Variants in PILRA observed in about 807,000 individuals in gnomAD.
PILRA encodes the protein paired immunoglobulin-like type 2 receptor alpha.
Under a neutral mutation model 33.1 loss-of-function variants are expected in PILRA, and 37 were observed. That is an observed-to-expected ratio of 1.12 (90% CI 0.86 to 1.47). PILRA has a LOEUF of 1.47. Ranked by LOEUF, PILRA falls within the 40% of genes most tolerant of loss-of-function variation. The pLI, the probability that PILRA is intolerant of heterozygous loss-of-function variation, is 0.00. For synonymous variants in PILRA, 146 were observed against 149.9 expected, an observed-to-expected ratio of 0.97 and a Z score of 0.19; for missense variants, 312 against 376.2, an observed-to-expected ratio of 0.83 and a Z score of 1.41.
At chr7:100,371,630 G>A (rs1369928893), upstream of PILRA, among the ~76,000 whole-genome samples, 1 of 152,074 alleles carries the variant, frequency 6.6e-6, no homozygotes, top group Non-Finnish European at 1.5e-5. Context: ...GACTTCCCAC[G>A]CCTCTCCCAT....
intron 2 of PILRA, among the ~76,000 whole-genome samples, chr7:100,375,126 C>T (rs1449714407): frequency 6.6e-6 from 1 of 152,192 alleles, no homozygotes. Flanking sequence ...GCAGCCCCCA[C>T]TTTCCCTGAC....
intron 2 of PILRA, among the ~76,000 whole-genome samples, chr7:100,380,166 T>A (rs921340593): frequency 1.3e-5 from 2 of 152,204 alleles, no homozygotes; most frequent in African/African-American, 4.8e-5. Context: ...GCAAGGCGAC[T>A]GGGGTCTGGT....
chr7:100,399,139 A>C (rs1226259160), intron 4 of PILRA, 152 bp from the exon 5 acceptor site: 1 of 577,594 alleles, frequency 1.7e-6, no homozygotes, highest in African/African-American at 1.9e-5. Flanking sequence ...GGGTCTCGCT[A>C]TGTTGTCCAG....
chr7:100,388,908 T>C (rs1791316758), intron 2 of PILRA, among the ~76,000 whole-genome samples: 1 of 152,146 alleles, frequency 6.6e-6, no homozygotes, highest in African/African-American at 2.4e-5. Flanking sequence ...ACGTGAAATG[T>C]TTCCATTGAG....
At chr7:100,399,051 A>G (rs1791569955) in intron 4 of PILRA, among the ~76,000 whole-genome samples, 1 of 151,522 alleles carries the variant, frequency 6.6e-6, no homozygotes, top group Non-Finnish European at 1.5e-5. Context: ...TGATCCTCCC[A>G]CCTCAGCCTC....
At chr7:100,373,916 A>T in intron 1 of PILRA, 128 bp from the exon 2 acceptor site, 7 of 1,306,600 alleles carry the variant, frequency 5.4e-6, no homozygotes, top group Non-Finnish European at 7.4e-6. Context: ...GACCCAGGCC[A>T]GAGGTCAGTC....
intron 2 of PILRA, among the ~76,000 whole-genome samples, chr7:100,377,165 G>GT (rs2130165842): frequency 7.3e-6 from 1 of 136,610 alleles, no homozygotes; most frequent in Non-Finnish European, 1.6e-5. Flanking sequence ...GCTTATTAAT[G>GT]TTTTTTACAT....
intron 4 of PILRA, 150 bp from the exon 5 acceptor site, chr7:100,399,141 G>A (rs1279738735): frequency 3.4e-6 from 2 of 582,296 alleles, no homozygotes; most frequent in Non-Finnish European, 3.1e-6. Context: ...GTCTCGCTAT[G>A]TTGTCCAGGC....
At chr7:100,374,559 C>T (rs1435324650) in intron 2 of PILRA, 126 bp downstream of exon 2, 1 of 1,068,684 alleles carries the variant, frequency 9.4e-7, no homozygotes, top group Non-Finnish European at 1.4e-6. Context: ...CTCTTTGGCC[C>T]CTAACACTTC....
chr7:100,376,761 CTTTTTTTTTTTT>C (rs34944697), intron 2 of PILRA, among the ~76,000 whole-genome samples: 3 of 75,018 alleles, frequency 4.0e-5, no homozygotes, highest in Non-Finnish European at 4.9e-5. Flanking sequence ...CTTGCTCTGC[CTTTTTTTTTTTT>C]TTTTTTTTTT....
Position 100,374,354 on chromosome 7 carries a change from C to T in PILRA, c.375C>T (p.Cys125=), listed in dbSNP as rs1269633210. Reference sequence around the variant, plus strand: ...AGCAGGACCAGTCTGTGTATTTCTGCCGAGTTGAGCTGGACACACGGAGCT... The same window carrying T: ...AGCAGGACCAGTCTGTGTATTTCTGTCGAGTTGAGCTGGACACACGGAGCT... The part of the protein sequence containing the change: ...LQKQDQSVYF[C]RVELDTRSSG... The change falls in exon 2 of 7, where the codon TGC becomes TGT. Residue 125 remains cysteine (C), a synonymous_variant. Coordinates refer to ENST00000198536, the MANE Select transcript of PILRA (RefSeq NM_013439.3). 8 of 1,614,098 alleles carry T rather than the reference C, an allele frequency of 5.0e-6. No homozygotes were observed. The highest frequency in any genetic ancestry group is 3.3e-5 in the Admixed American group (2 of 60,020).
At chr7:100,398,478 C>T (rs1157332025) in intron 4 of PILRA, among the ~76,000 whole-genome samples, 2 of 152,140 alleles carry the variant, frequency 1.3e-5, no homozygotes, top group Non-Finnish European at 2.9e-5. Context: ...TTTCCTCTGG[C>T]CCCTCCTTTC....
chr7:100,384,782 A>G (rs776064418), intron 2 of PILRA, among the ~76,000 whole-genome samples: 1 of 152,122 alleles, frequency 6.6e-6, no homozygotes, highest in African/African-American at 2.4e-5. Context: ...AGGAAGACCA[A>G]TCAGGATACC....
intron 3 of PILRA, among the ~76,000 whole-genome samples, chr7:100,390,914 A>C (rs377060248): frequency 6.6e-6 from 1 of 152,036 alleles, no homozygotes; most frequent in South Asian, 2.1e-4. Flanking sequence ...GAGAGACCTC[A>C]GTCTATGGAG....
At chr7:100,380,739 G>A (rs539891327) in intron 2 of PILRA, among the ~76,000 whole-genome samples, 2 of 152,286 alleles carry the variant, frequency 1.3e-5, no homozygotes, top group South Asian at 4.1e-4. Context: ...GCCGAGGCGG[G>A]CGGATCACTT....
At chr7:100,375,551 G>T (rs1220280434) in intron 2 of PILRA, among the ~76,000 whole-genome samples, 1 of 152,196 alleles carries the variant, frequency 6.6e-6, no homozygotes, top group Non-Finnish European at 1.5e-5. Flanking sequence ...GGCCAACATG[G>T]TGAAACCCCG....
Position 100,399,407 on chromosome 7 carries a change from C to T in PILRA, c.757+67C>T, listed in dbSNP as rs371526157. 194 of 1,441,606 alleles carry T rather than the reference C, an allele frequency of 1.3e-4. No individual in the cohort carries two copies. The African/African-American group carries it at 1.8e-3, about 14-fold the overall frequency. The allele number at this position is 1,441,606 out of a possible 1,614,324, so 89.3% of individuals were successfully genotyped here. A position where few individuals can be genotyped will look rare whatever the true frequency, so the allele number is the denominator to read the frequency against. On this transcript the variant is annotated intron_variant, in intron 5 of 6. Transcript: ENST00000198536. ...CACTTCCTGTTTCCCCAAATACCCC[C>T]TACCTGGGTCCGTGCCCCTGTCAGT...
chr7:100,398,938 A>AT (rs535251082), intron 4 of PILRA, among the ~76,000 whole-genome samples: 25,694 of 145,530 alleles, frequency 0.18, 2,212 homozygotes, highest in Middle Eastern at 0.2. Context: ...TCTTTCTTCA[A>AT]TTTTTTTTTT....
At chr7:100,382,667 G>GT (rs1419556956) in intron 2 of PILRA, among the ~76,000 whole-genome samples, 4 of 152,238 alleles carry the variant, frequency 2.6e-5, no homozygotes, top group Non-Finnish European at 5.9e-5. Flanking sequence ...CCCCTGAGCA[G>GT]TATCAACTGG....
Sources: allele counts gnomAD v4.1 joint callset (sites outside exome capture counted in the v4.1 genomes callset), GRCh38; gene constraint gnomAD v4.1.1; transcripts MANE v1.5; gene names NCBI Gene and HGNC (gene_info 2026-07-23, HGNC 2026-07-21).